CCDC91: variants seen among roughly 807,000 people sequenced by gnomAD.
CCDC91 encodes coiled-coil domain-containing protein 91.
CCDC91 carries 48 observed loss-of-function variants against 63.2 expected under a neutral mutation model. That is an observed-to-expected ratio of 0.76 (90% confidence interval 0.60 to 0.97). The LOEUF (loss-of-function observed/expected upper bound fraction) is 0.97, where lower values mean the gene tolerates loss of function less well. Among genes scored for constraint, CCDC91 ranks in the 50% least tolerant of loss-of-function variants. The pLI is 0.00. For missense variants in CCDC91, 500 were observed against 494.6 expected (o/e 1.01, Z -0.10); for synonymous variants, 167 against 165.8 (o/e 1.01, Z -0.06).
At chr12:28,390,691 T>C (rs569952478) in intron 7 of CCDC91, among the ~76,000 whole-genome samples, 28 of 152,184 alleles carry the variant, frequency 1.8e-4, no homozygotes, top group African/African-American at 6.3e-4. Flanking sequence ...TTACTTTTTA[T>C]GCGTACTGCC....
intron 10 of CCDC91, among the ~76,000 whole-genome samples, chr12:28,451,077 A>G (rs1018356566): frequency 1.3e-5 from 2 of 151,768 alleles, no homozygotes; most frequent in African/African-American, 4.8e-5. Flanking sequence ...AAAGCAATAA[A>G]TTACTTTTGA....
chr12:28,345,322 C>T (rs1228649034), intron 6 of CCDC91, among the ~76,000 whole-genome samples: 6 of 151,852 alleles, frequency 4.0e-5, no homozygotes, highest in African/African-American at 9.7e-5. Context: ...TTTCACTTAA[C>T]ATAACTTAGA....
At chr12:28,191,089 T>TA (rs1332172785) in intron 1 of CCDC91, among the ~76,000 whole-genome samples, 1 of 152,224 alleles carries the variant, frequency 6.6e-6, no homozygotes, top group Non-Finnish European at 1.5e-5. Flanking sequence ...CACATTTCCT[T>TA]AGAGTTTCTT....
At chr12:28,452,381 G>T (rs1444888746) in intron 10 of CCDC91, 97 bp from the exon 11 acceptor site, 1 of 792,598 alleles carries the variant, frequency 1.3e-6, no homozygotes, top group Admixed American at 2.7e-5. Flanking sequence ...AACACTATAG[G>T]ATCAAAGTTT....
At chr12:28,223,388 A>G (rs1944073937) in intron 1 of CCDC91, among the ~76,000 whole-genome samples, 1 of 152,006 alleles carries the variant, frequency 6.6e-6, no homozygotes, top group South Asian at 2.1e-4. Context: ...TTTCTTTGTC[A>G]TCTTTGCATT....
intron 3 of CCDC91, among the ~76,000 whole-genome samples, chr12:28,268,011 G>A (rs1947466886): frequency 1.7e-5 from 2 of 120,500 alleles, no homozygotes. Context: ...TTAATTATAT[G>A]ATTAATAATT....
At position 28,549,180 on chromosome 12, in the gene CCDC91, C is replaced by T. The variant is rs762923363; in HGVS notation, c.*7C>T. 8 of 1,471,690 alleles carry T rather than the reference C, an allele frequency of 5.4e-6. No individual in the cohort carries two copies. The highest frequency in any genetic ancestry group is 7.6e-6 in the Non-Finnish European group (8 of 1,051,216). 91.2% of individuals were successfully genotyped at this position (1,471,690 alleles called of 1,614,324 possible). A position where few individuals can be genotyped will look rare whatever the true frequency, so the allele number is the denominator to read the frequency against. ...ACCAGTTGACATTGAATAAAAAGAA[C>T]ATGACAAACCCACACTGGCATTGGA... is the stretch of plus-strand genomic sequence containing the variant. On this transcript the variant is annotated 3_prime_UTR_variant, in exon 13 of 13. Transcript: ENST00000536442.
intron 3 of CCDC91, among the ~76,000 whole-genome samples, chr12:28,277,681 T>A (rs1280824305): frequency 1.3e-5 from 2 of 152,020 alleles, no homozygotes; most frequent in South Asian, 4.1e-4. Flanking sequence ...TCCTCCTTTT[T>A]TTCACTTTGA....
intron 3 of CCDC91, among the ~76,000 whole-genome samples, chr12:28,285,867 G>T (rs1434143946): frequency 6.6e-6 from 1 of 151,814 alleles, no homozygotes; most frequent in Non-Finnish European, 1.5e-5. Context: ...CCTATTTGAT[G>T]ATTATTCTGA....
At chr12:28,414,448 TATA>T (rs752841924) in intron 8 of CCDC91, among the ~76,000 whole-genome samples, 51 of 152,140 alleles carry the variant, frequency 3.4e-4, no homozygotes, top group Non-Finnish European at 1.0e-4. Flanking sequence ...TATTCAAAAA[TATA>T]ATTGAAATGT....
chr12:28,389,021 G>A (rs113653660), intron 7 of CCDC91, among the ~76,000 whole-genome samples: 2 of 152,190 alleles, frequency 1.3e-5, no homozygotes, highest in African/African-American at 2.4e-5. Context: ...CTTAAACTAC[G>A]GAGCTTTTGC....
At chr12:28,435,294 A>G (rs1211738695) in intron 8 of CCDC91, among the ~76,000 whole-genome samples, 1 of 151,752 alleles carries the variant, frequency 6.6e-6, no homozygotes, top group Admixed American at 6.6e-5. Context: ...ACAAATTTTG[A>G]TAAATTGCGT....
chr12:28,399,606 C>T (rs1194820173), intron 8 of CCDC91, among the ~76,000 whole-genome samples: 2 of 152,168 alleles, frequency 1.3e-5, no homozygotes, highest in African/African-American at 2.4e-5. Flanking sequence ...ATCCCTTCTG[C>T]CTATGAGCCT....
chr12:28,264,687 A>G (rs1947074554), intron 3 of CCDC91, among the ~76,000 whole-genome samples: 1 of 150,836 alleles, frequency 6.6e-6, no homozygotes, highest in Admixed American at 6.7e-5. Flanking sequence ...AAAGGACTGT[A>G]TCATGACTTG....
intron 6 of CCDC91, among the ~76,000 whole-genome samples, chr12:28,330,990 C>T (rs1172567546): frequency 2.0e-5 from 3 of 152,066 alleles, no homozygotes; most frequent in Non-Finnish European, 2.9e-5. Flanking sequence ...TTTGCCTGCT[C>T]TTTTGGATTT....
chr12:28,349,753 G>T (rs1009872354), intron 6 of CCDC91, among the ~76,000 whole-genome samples: 8 of 151,960 alleles, frequency 5.3e-5, no homozygotes, highest in African/African-American at 1.9e-4. Flanking sequence ...GTTTACTCTG[G>T]TACTCCTGCC....
At position 28,470,874 on chromosome 12, in the gene CCDC91, T is replaced by C. The variant is rs189768433; in HGVS notation, c.1102-13178T>C. On this transcript the variant is annotated intron_variant, in intron 11 of 12. Coordinates refer to ENST00000536442, the MANE Select transcript of CCDC91 (RefSeq NM_018318.5). ...CATATTCTCACTCATTTGTGAGATC[T>C]AAAAATCAAAACAATTGAACCCATG... Among the ~76,000 whole-genome samples the C allele has an allele frequency of 3.3e-5, 5 of 152,204 alleles. No individual in the cohort carries two copies. In the East Asian group the frequency reaches 9.6e-4, roughly 29 times the overall value.
At chr12:28,244,429 A>T (rs2135999091) in intron 1 of CCDC91, among the ~76,000 whole-genome samples, 1 of 151,344 alleles carries the variant, frequency 6.6e-6, no homozygotes, top group South Asian at 2.1e-4. Flanking sequence ...TTAATGGCAC[A>T]AAACAGCTGT....
chr12:28,412,162 C>G (rs1452562212), intron 8 of CCDC91, among the ~76,000 whole-genome samples: 1 of 152,122 alleles, frequency 6.6e-6, no homozygotes, highest in Non-Finnish European at 1.5e-5. Context: ...GCTATATCAT[C>G]TAGGTTTGTG....
Sources: gnomAD v4.1 joint callset for allele counts (sites outside exome capture counted in the v4.1 genomes callset) on GRCh38, gnomAD v4.1.1 for gene constraint, MANE v1.5 for transcripts, NCBI Gene and HGNC (gene_info 2026-07-23, HGNC 2026-07-21) for gene names.